The following ZMAT1 variants were observed in gnomAD, a reference collection of about 807,000 sequenced individuals.
ZMAT1 encodes zinc finger matrin-type protein 1.
A neutral mutation model predicts 18.5 loss-of-function variants in ZMAT1; 11 were observed. The observed-to-expected ratio is 0.59, with a 90% CI of 0.37 to 0.98. The LOEUF is 0.98. ZMAT1 is among the 50% of genes least tolerant of loss of function. The probability of loss-of-function intolerance (pLI) is 0.01; values close to 1 mark genes in which losing one functional copy is unlikely to be tolerated. For synonymous variants in ZMAT1, 211 were observed against 176.4 expected, an observed-to-expected ratio of 1.20 and a Z score of -1.55; for missense variants, 525 against 496.2, an observed-to-expected ratio of 1.06 and a Z score of -0.55.
At chrX:101,887,291 C>A in intron 4 of ZMAT1, 2 of 751,384 alleles carry the variant, frequency 2.7e-6, no homozygotes, top group Non-Finnish European at 3.1e-6. Flanking sequence ...AGGATAAAAG[C>A]TGAAAGCAAA....
chrX:101,884,613 G>C lies in ZMAT1; in HGVS notation c.985C>G (p.Leu329Val). 1 of 1,211,007 alleles carries C rather than the reference G, an allele frequency of 8.3e-7. No homozygotes were observed. The highest frequency in any genetic ancestry group is 1.1e-6 in the Non-Finnish European group (1 of 895,129). The change falls in exon 6 of 6, where the codon CTC becomes GTC. Residue 329 changes from leucine (L) to valine (V), a missense_variant. Leu to Val is a conservative substitution (Grantham distance 32). Transcript: ENST00000651725. ...RPRHRMFEQR[L>V]PFETFRTYAA... Reference sequence around the variant, plus strand: ...TATGTCCGGAAAGTCTCAAATGGGAGTCTTTGTTCAAACATTCTATGTCTG... The same window carrying C: ...TATGTCCGGAAAGTCTCAAATGGGACTCTTTGTTCAAACATTCTATGTCTG...
intron 1 of ZMAT1, among the ~76,000 whole-genome samples, chrX:101,918,353 C>T (rs1002639719): frequency 9.1e-6 from 1 of 109,661 alleles, no homozygotes; most frequent in African/African-American, 3.3e-5. Context: ...TGCCTGTGAT[C>T]CCAGCACTTT....
intron 1 of ZMAT1, among the ~76,000 whole-genome samples, chrX:101,929,492 G>GAA (rs1930342277): frequency 2.2e-5 from 1 of 44,814 alleles, no homozygotes; most frequent in Non-Finnish European, 4.5e-5. Context: ...GAGAGAGAGA[G>GAA]ACACACAAAT....
At chrX:101,923,305 A>G (rs1929846587) in intron 1 of ZMAT1, among the ~76,000 whole-genome samples, 1 of 112,132 alleles carries the variant, frequency 8.9e-6, no homozygotes, top group South Asian at 3.7e-4. Flanking sequence ...TCACCCTGCT[A>G]TTAACTAGCT....
chrX:101,899,502 T>C (rs1047364088), intron 2 of ZMAT1, among the ~76,000 whole-genome samples: 2 of 111,639 alleles, frequency 1.8e-5, no homozygotes, highest in African/African-American at 6.5e-5. Context: ...TGCATCATTC[T>C]TATGCCTTGC....
intron 2 of ZMAT1, among the ~76,000 whole-genome samples, chrX:101,903,422 C>A (rs1603278560): frequency 9.0e-6 from 1 of 111,385 alleles, no homozygotes; most frequent in East Asian, 2.8e-4. Context: ...TAATTTCAAC[C>A]AACATTAGGA....
chrX:101,896,731 C>A (rs753775697), intron 4 of ZMAT1, among the ~76,000 whole-genome samples: 2 of 111,658 alleles, frequency 1.8e-5, no homozygotes, highest in Admixed American at 1.9e-4. Flanking sequence ...GAGGATTAAT[C>A]ATCTTTTCTT....
intron 1 of ZMAT1, among the ~76,000 whole-genome samples, chrX:101,929,057 A>C (rs1019561168): frequency 2.0e-5 from 2 of 102,510 alleles, no homozygotes; most frequent in African/African-American, 3.7e-5. Flanking sequence ...TTTACTGCTC[A>C]ATGTCCCATT....
rs968224677 is a variant in ZMAT1, at chrX:101,921,381, G to A, written c.292+10336C>T. 6.2e-5 allele frequency among the ~76,000 whole-genome samples: 7 copies of A among 112,203 alleles called. No homozygotes were observed. In the Admixed American group the frequency reaches 6.6e-4, roughly 11 times the overall value. The stretch of plus-strand genomic sequence containing the variant: ...AAATGACAATCCTTCAATATTTTAA[G>A]ACAGCATTATTTATTTAGGACATAT... On this transcript the variant is annotated intron_variant, in intron 1 of 5. Transcript: ENST00000651725.
At chrX:101,917,907 T>C (rs1929444395) in intron 1 of ZMAT1, among the ~76,000 whole-genome samples, 1 of 112,295 alleles carries the variant, frequency 8.9e-6, no homozygotes, top group Admixed American at 9.4e-5. Context: ...AACTGGAGAT[T>C]ATGTTAAGTG....
chrX:101,925,126 G>A (rs1056174168), intron 1 of ZMAT1, among the ~76,000 whole-genome samples: 1 of 112,376 alleles, frequency 8.9e-6, no homozygotes, highest in Non-Finnish European at 1.9e-5. Flanking sequence ...AGAGGAAACT[G>A]CATGAGCAAG....
chrX:101,919,668 A>T (rs1929592805), intron 1 of ZMAT1, among the ~76,000 whole-genome samples: 1 of 112,014 alleles, frequency 8.9e-6, no homozygotes. Flanking sequence ...ATTTGGGGGA[A>T]AAAAAGGTTT....
Position 101,927,279 on chromosome X carries a change from TC to T in ZMAT1, c.292+4437del, listed in dbSNP as rs781014026. ...GTTAACCTACACAAAATGTTTTAACTCTTTTTCCCCTAAAGGTCACACTCTG... is the reference window on the plus strand; with the variant it reads ...GTTAACCTACACAAAATGTTTTAACTTTTTTCCCCTAAAGGTCACACTCTG... On this transcript the variant is annotated intron_variant, in intron 1 of 5. Coordinates refer to ENST00000651725, the MANE Select transcript of ZMAT1 (RefSeq NM_001394560.1). 3.7e-3 allele frequency among the ~76,000 whole-genome samples: 420 copies of T among 112,255 alleles called. 2 individuals are homozygous for T. Among genetic ancestry groups the T allele is most frequent in the African/African-American group, 0.012 (367 of 30,913 alleles).
chrX:101,929,222 T>A (rs977078671), intron 1 of ZMAT1, among the ~76,000 whole-genome samples: 2 of 109,414 alleles, frequency 1.8e-5, no homozygotes, highest in Non-Finnish European at 3.8e-5. Flanking sequence ...CTTTTAATGA[T>A]CCTATAAGGA....
At chrX:101,924,995 A>G (rs1471436237) in intron 1 of ZMAT1, among the ~76,000 whole-genome samples, 1 of 112,106 alleles carries the variant, frequency 8.9e-6, no homozygotes, top group Non-Finnish European at 1.9e-5. Context: ...TAAAATGGCA[A>G]AGTTTATGGT....
At chrX:101,890,553 C>G (rs1268957160) in intron 4 of ZMAT1, among the ~76,000 whole-genome samples, 1 of 111,245 alleles carries the variant, frequency 9.0e-6, no homozygotes, top group Non-Finnish European at 1.9e-5. Context: ...CTATGTGGCA[C>G]CAAGCATCAG....
At chrX:101,914,712 T>C (rs1001581316) in intron 1 of ZMAT1, among the ~76,000 whole-genome samples, 1 of 110,674 alleles carries the variant, frequency 9.0e-6, no homozygotes, top group African/African-American at 3.3e-5. Context: ...TAAAAAAAAA[T>C]TCTCAGTAAA....
Position 101,883,745 on chromosome X carries a change from C to T in ZMAT1, c.1853G>A (p.Arg618Lys), listed in dbSNP as rs1603271461. The change falls in exon 6 of 6, where the codon AGG becomes AAG. Residue 618 changes from arginine to lysine, a missense_variant. Arg to Lys is a conservative substitution (Grantham distance 26). Coordinates refer to ENST00000651725, the MANE Select transcript of ZMAT1 (RefSeq NM_001394560.1). ...RPEKEQSKHKRKKSYEDTDLD... is the reference protein window; with the variant it reads ...RPEKEQSKHKKKKSYEDTDLD... ...ATCTGTATCTTCATAACTCTTTTTC[C>T]TTTTATGCTTGGACTGCTCTTTCTC... The T allele has an allele frequency of 1.7e-6, 2 of 1,206,045 alleles. No homozygotes were observed. The highest frequency in any genetic ancestry group is 1.8e-5 in the African/African-American group (1 of 56,936).
chrX:101,925,125 T>C (rs1206165131), intron 1 of ZMAT1, among the ~76,000 whole-genome samples: 1 of 112,440 alleles, frequency 8.9e-6, no homozygotes, highest in African/African-American at 3.2e-5. Flanking sequence ...CAGAGGAAAC[T>C]GCATGAGCAA....
Sources: allele counts gnomAD v4.1 joint callset (sites outside exome capture counted in the v4.1 genomes callset), GRCh38; gene constraint gnomAD v4.1.1; transcripts MANE v1.5; gene names NCBI Gene and HGNC (gene_info 2026-07-23, HGNC 2026-07-21).